MICU2: variants seen among roughly 807,000 people sequenced by gnomAD.
The protein encoded by MICU2 is mitochondrial calcium uptake 2, also known as calcium uptake protein 2, mitochondrial.
MICU2 carries 64 observed loss-of-function variants against 60.4 expected under a neutral mutation model. That is an observed-to-expected ratio of 1.06 (90% confidence interval 0.87 to 1.31). MICU2 has a LOEUF of 1.31. MICU2 is among the 50% of genes most tolerant of loss of function. The probability of loss-of-function intolerance (pLI) is 0.00; values close to 1 mark genes in which losing one functional copy is unlikely to be tolerated. For missense variants in MICU2, 569 were observed against 531.0 expected (o/e 1.07, Z -0.70); for synonymous variants, 201 against 175.0 (o/e 1.15, Z -1.17).
In MICU2 at chr13:21,495,213, C is replaced by T; in HGVS notation, c.1148G>A (p.Ser383Asn). Reference sequence around the variant, plus strand: ...TAACACCCCAAGAAACTCTTCATGACTAAGACATTCATCACCATCCAAATC... The same window carrying T: ...TAACACCCCAAGAAACTCTTCATGATTAAGACATTCATCACCATCCAAATC... ...IFDLDGDECL[S>N]HEEFLGVLKN... Residue 383 changes from serine (S) to asparagine (N), a missense_variant, in exon 11 of 12, where the codon AGT becomes AAT. Transcript: ENST00000382374. 3 of 1,613,342 alleles carry T rather than the reference C, an allele frequency of 1.9e-6. No homozygotes were observed. Among genetic ancestry groups the T allele is most frequent in the Non-Finnish European group, 2.5e-6 (3 of 1,179,696 alleles).
chr13:21,535,066 A>C (rs185853349), intron 4 of MICU2, among the ~76,000 whole-genome samples: 2 of 152,274 alleles, frequency 1.3e-5, no homozygotes, highest in African/African-American at 4.8e-5. Flanking sequence ...TAAGGTTTTG[A>C]AATGGGGTTG....
intron 2 of MICU2, among the ~76,000 whole-genome samples, chr13:21,549,052 A>G (rs1400284495): frequency 6.6e-6 from 1 of 150,834 alleles, no homozygotes; most frequent in Non-Finnish European, 1.5e-5. Flanking sequence ...CAGCCTCCCA[A>G]GTAGCTGGGA....
rs1888003204 is a variant in MICU2 at position 21,567,091 on chromosome 13, G to T, written c.211-147C>A. On this transcript the variant is annotated intron_variant, in intron 1 of 11. Transcript: ENST00000382374. ...TTCATTTAACAAATATTAACTGAGT[G>T]CCTACTTCGCACTGAAGATACAATA... 6 of 653,936 alleles carry T rather than the reference G, an allele frequency of 9.2e-6. No homozygotes were observed. In the African/African-American group the frequency reaches 1.1e-4, roughly 12 times the overall value. 40.5% of individuals were successfully genotyped at this position (653,936 alleles called of 1,614,324 possible). A position where few individuals can be genotyped will look rare whatever the true frequency, so the allele number is the denominator to read the frequency against.
chr13:21,544,941 T>C (rs1887379780), intron 2 of MICU2, among the ~76,000 whole-genome samples: 1 of 152,124 alleles, frequency 6.6e-6, no homozygotes, highest in African/African-American at 2.4e-5. Flanking sequence ...TGTGAGCCAC[T>C]GCACCGGCCA....
At chr13:21,602,104 C>CA (rs67236446) in intron 1 of MICU2, among the ~76,000 whole-genome samples, 1,844 of 113,774 alleles carry the variant, frequency 0.016, 76 homozygotes, top group Middle Eastern at 0.042. Context: ...GACTCCATCT[C>CA]AACAACAAAA....
Position 21,521,254 on chromosome 13 carries a change from T to C in MICU2, c.588A>G (p.Glu196=), listed in dbSNP as rs371646412. The change falls in exon 6 of 12, where the codon GAA becomes GAG. Residue 196 remains glutamate (E), a synonymous_variant. Coordinates refer to ENST00000382374, the MANE Select transcript of MICU2 (RefSeq NM_152726.3). ...TDGNEMIEKR[E]FFKLQKIISK... ...ATTAGCGTCCACTTACCTTAAAAAA[T>C]TCCCTTTTTTCAATCATCTCATTAC... 8.7e-6 allele frequency: 14 copies of C among 1,601,706 alleles called. No individual in the cohort carries two copies. In the African/African-American group the frequency reaches 1.8e-4, roughly 20 times the overall value.
At chr13:21,589,135 CT>C (rs768428036) in intron 1 of MICU2, among the ~76,000 whole-genome samples, 1 of 152,186 alleles carries the variant, frequency 6.6e-6, no homozygotes, top group Non-Finnish European at 1.5e-5. Flanking sequence ...AACACTGCCC[CT>C]AATGGAAGTA....
chr13:21,555,062 T>C (rs542441947), intron 2 of MICU2, among the ~76,000 whole-genome samples: 16 of 152,230 alleles, frequency 1.1e-4, no homozygotes, highest in Middle Eastern at 3.4e-3. Flanking sequence ...CAGGACCAGA[T>C]GGATTCACAG....
intron 6 of MICU2, chr13:21,515,676 T>C (rs752919302): frequency 6.8e-6 from 2 of 293,144 alleles, no homozygotes; most frequent in Non-Finnish European, 1.4e-5. Context: ...CATTTTTTTC[T>C]GGGCTATTTA....
At chr13:21,502,324 AAG>A (rs772431618) in intron 9 of MICU2, among the ~76,000 whole-genome samples, 36 of 152,224 alleles carry the variant, frequency 2.4e-4, no homozygotes, top group Non-Finnish European at 4.1e-4. Context: ...GGTATAAAGA[AAG>A]AAAGTAAAAA....
At chr13:21,502,303 C>T (rs907079667) in intron 9 of MICU2, among the ~76,000 whole-genome samples, 2 of 151,646 alleles carry the variant, frequency 1.3e-5, no homozygotes, top group African/African-American at 4.8e-5. Context: ...TTTTTTGGAA[C>T]AATACATAAA....
At chr13:21,556,347 C>A (rs1422787281) in intron 2 of MICU2, among the ~76,000 whole-genome samples, 1 of 152,144 alleles carries the variant, frequency 6.6e-6, no homozygotes, top group Non-Finnish European at 1.5e-5. Flanking sequence ...TTTCTTCCTA[C>A]CTTTTAGCTG....
At position 21,496,175 on chromosome 13, in the gene MICU2, G is replaced by A. The variant is rs1566136866; in HGVS notation, c.934-15C>T. The A allele has an allele frequency of 1.3e-6, 2 of 1,564,468 alleles. No homozygotes were observed. Among genetic ancestry groups the A allele is most frequent in the East Asian group, 2.2e-5 (1 of 44,454 alleles). On this transcript the variant is annotated splice_polypyrimidine_tract_variant and intron_variant, in intron 9 of 11. Coordinates refer to ENST00000382374, the MANE Select transcript of MICU2 (RefSeq NM_152726.3). ...AAACTAATGCTCTAATAAAGTAAGA[G>A]TTTTTATTACAATTTTGTAAGTACA... is the stretch of plus-strand genomic sequence containing the variant.
chr13:21,581,420 G>C (rs929306692), intron 1 of MICU2, among the ~76,000 whole-genome samples: 2 of 152,166 alleles, frequency 1.3e-5, no homozygotes, highest in Non-Finnish European at 2.9e-5. Flanking sequence ...TCTGCCTACA[G>C]CAGAGGTTGT....
chr13:21,542,977 T>C (rs1196806905), intron 2 of MICU2, among the ~76,000 whole-genome samples: 1 of 152,246 alleles, frequency 6.6e-6, no homozygotes, highest in Non-Finnish European at 1.5e-5. Flanking sequence ...AATTTCATTT[T>C]GTAGAGGTTA....
At chr13:21,504,303 C>T (rs1886243803) in intron 8 of MICU2, among the ~76,000 whole-genome samples, 1 of 151,928 alleles carries the variant, frequency 6.6e-6, no homozygotes, top group African/African-American at 2.4e-5. Context: ...GTATGCTTTA[C>T]TTGCAAATGA....
intron 2 of MICU2, among the ~76,000 whole-genome samples, chr13:21,553,967 A>C (rs907980164): frequency 6.6e-5 from 10 of 152,226 alleles, no homozygotes; most frequent in Non-Finnish European, 1.5e-4. Context: ...GGATCAATTC[A>C]ACAAGAAGAA....
At chr13:21,573,588 TTAAGCATAC>T in intron 1 of MICU2, among the ~76,000 whole-genome samples, 1 of 152,232 alleles carries the variant, frequency 6.6e-6, no homozygotes, top group South Asian at 2.1e-4. Flanking sequence ...CATCTTATGT[TTAAGCATAC>T]TAAGTATGAA....
intron 8 of MICU2, among the ~76,000 whole-genome samples, chr13:21,507,407 T>C (rs1886315614): frequency 6.6e-6 from 1 of 152,158 alleles, no homozygotes; most frequent in African/African-American, 2.4e-5. Context: ...AGTATTATGA[T>C]AATAGCTTTC....
Sources: allele counts gnomAD v4.1 joint callset (sites outside exome capture counted in the v4.1 genomes callset), GRCh38; gene constraint gnomAD v4.1.1; transcripts MANE v1.5; gene names NCBI Gene and HGNC (gene_info 2026-07-23, HGNC 2026-07-21).